The following IFRD1 variants were observed in gnomAD, a reference collection of about 807,000 sequenced individuals.
IFRD1 encodes the protein interferon related developmental regulator 1, also known as interferon-related developmental regulator 1.
In IFRD1, 35 loss-of-function variants were observed where a neutral mutation model predicts 52.9. The ratio of observed to expected loss-of-function variants is 0.66; its 90% CI spans 0.51 to 0.88. IFRD1 has a LOEUF of 0.88. Ranked by LOEUF, IFRD1 falls within the 40% of genes least tolerant of loss-of-function variation. The pLI, the probability that IFRD1 is intolerant of heterozygous loss-of-function variation, is 0.00. For synonymous variants in IFRD1, 184 were observed against 188.4 expected (o/e 0.98, Z 0.19); for missense variants, 517 against 550.8 (o/e 0.94, Z 0.61).
chr7:112,453,449 A>G lies in IFRD1; in HGVS notation c.95-2314A>G, dbSNP rs539492436. Among the ~76,000 whole-genome samples, 67 of 152,200 alleles carry G rather than the reference A, an allele frequency of 4.4e-4. 1 individual carries two copies. In the Middle Eastern group the frequency reaches 0.024, roughly 54 times the overall value. On this transcript the variant is annotated intron_variant, in intron 1 of 11. Transcript: ENST00000403825. ...CAGGGTTCTTTTTCTTGATACATAT[A>G]TATGTGTATTTTTTTTCTTTCCCTC...
At chr7:112,439,078 C>A (rs978681974) in intron 1 of IFRD1, among the ~76,000 whole-genome samples, 4 of 152,004 alleles carry the variant, frequency 2.6e-5, no homozygotes, top group African/African-American at 9.7e-5. Flanking sequence ...GGGTAAAGAA[C>A]AAGAGAGTGA....
At chr7:112,440,849 G>A (rs537023950) in intron 1 of IFRD1, among the ~76,000 whole-genome samples, 264 of 152,278 alleles carry the variant, frequency 1.7e-3, no homozygotes, top group African/African-American at 5.1e-3. Context: ...TATTTTAAAA[G>A]TTCAGGCTGG....
At chr7:112,434,021 C>T (rs1364245082) in intron 1 of IFRD1, among the ~76,000 whole-genome samples, 3 of 151,946 alleles carry the variant, frequency 2.0e-5, no homozygotes, top group Non-Finnish European at 4.4e-5. Context: ...AGGGTTTCGC[C>T]GTGTTGCCCA....
intron 1 of IFRD1, among the ~76,000 whole-genome samples, chr7:112,441,253 C>A (rs1307329435): frequency 6.6e-6 from 1 of 151,800 alleles, no homozygotes; most frequent in Non-Finnish European, 1.5e-5. Context: ...CCAGCCTGGG[C>A]AATAGAGTGA....
chr7:112,466,534 A>C (rs1795613515), intron 8 of IFRD1, among the ~76,000 whole-genome samples: 1 of 152,148 alleles, frequency 6.6e-6, no homozygotes, highest in African/African-American at 2.4e-5. Flanking sequence ...AGGTGCCGAT[A>C]GCACCCCCTT....
At chr7:112,457,408 C>A in intron 4 of IFRD1, 1 of 302,516 alleles carries the variant, frequency 3.3e-6, no homozygotes, top group East Asian at 6.0e-5. Flanking sequence ...TAAATTACAT[C>A]ATTTTCAGGA....
At chr7:112,473,720 C>T (rs984217917) in intron 11 of IFRD1, among the ~76,000 whole-genome samples, 14 of 152,112 alleles carry the variant, frequency 9.2e-5, no homozygotes, top group African/African-American at 3.4e-4. Flanking sequence ...CCACCATGAC[C>T]AGCCTGCATT....
At chr7:112,425,163 C>T (rs1794401561) in intron 1 of IFRD1, among the ~76,000 whole-genome samples, 1 of 152,192 alleles carries the variant, frequency 6.6e-6, no homozygotes, top group African/African-American at 2.4e-5. Flanking sequence ...GGCACCATGC[C>T]TAGCCAAATG....
intron 3 of IFRD1, 149 bp downstream of exon 3, chr7:112,456,235 C>T: frequency 1.4e-6 from 1 of 703,516 alleles, no homozygotes; most frequent in Non-Finnish European, 2.6e-6. Flanking sequence ...TATATTTTTC[C>T]TAAAGGTTAA....
At position 112,456,904 on chromosome 7, in the gene IFRD1, T is replaced by C; in HGVS notation, c.285-10T>C. 5.0e-6 allele frequency: 8 copies of C among 1,613,116 alleles called. No homozygotes were observed. Among genetic ancestry groups the C allele is most frequent in the Non-Finnish European group, 5.9e-6 (7 of 1,179,148 alleles). ...TGGATCTTCTTTCTCTTACATTGGG[T>C]GTTAAATAGTGCGAAGACAAGGCAA... On this transcript the variant is annotated splice_polypyrimidine_tract_variant and intron_variant, in intron 3 of 11. Transcript: ENST00000403825.
At chr7:112,443,195 C>G (rs530685835) in intron 1 of IFRD1, among the ~76,000 whole-genome samples, 25 of 152,088 alleles carry the variant, frequency 1.6e-4, no homozygotes, top group Non-Finnish European at 3.7e-4. Context: ...AGGCAGGAGT[C>G]TGAAGTAGGT....
At chr7:112,441,598 C>T (rs1254424142) in intron 1 of IFRD1, among the ~76,000 whole-genome samples, 2 of 152,136 alleles carry the variant, frequency 1.3e-5, no homozygotes, top group African/African-American at 2.4e-5. Flanking sequence ...TCATTCTCTC[C>T]TCTCTGCAAA....
At chr7:112,470,576 A>G (rs1795720921) in intron 9 of IFRD1, among the ~76,000 whole-genome samples, 1 of 152,216 alleles carries the variant, frequency 6.6e-6, no homozygotes, top group Non-Finnish European at 1.5e-5. Context: ...TCTAGATACT[A>G]GAGACAATTT....
intron 1 of IFRD1, chr7:112,435,770 G>A (rs1794670654): frequency 6.6e-6 from 1 of 151,696 alleles, no homozygotes; most frequent in Non-Finnish European, 1.5e-5. Context: ...TCAGGTTTTA[G>A]TTGGCTCTTA....
At chr7:112,426,507 T>C (rs1188673043) in intron 1 of IFRD1, among the ~76,000 whole-genome samples, 1 of 152,200 alleles carries the variant, frequency 6.6e-6, no homozygotes, top group Non-Finnish European at 1.5e-5. Flanking sequence ...AAATCCAAGA[T>C]TGAGGGGCCA....
At chr7:112,465,369 C>G (rs372050681) in intron 8 of IFRD1, among the ~76,000 whole-genome samples, 3 of 152,278 alleles carry the variant, frequency 2.0e-5, no homozygotes, top group African/African-American at 7.2e-5. Flanking sequence ...CCCTGTCTGC[C>G]TAAACTTTTC....
chr7:112,474,972 T>A (rs867770160), intron 11 of IFRD1, among the ~76,000 whole-genome samples: 22 of 152,210 alleles, frequency 1.4e-4, no homozygotes, highest in South Asian at 8.3e-4. Flanking sequence ...TTATTTATTT[T>A]TTTTGAGACG....
chr7:112,475,909 A>G lies in IFRD1; in HGVS notation c.*390A>G, dbSNP rs1234068322. On this transcript the variant is annotated 3_prime_UTR_variant, in exon 12 of 12. Transcript: ENST00000403825. ...TATCTTAGACAAGAGTTCTGGGTAC[A>G]ATTTTGGGATCTAGTTCCCCTGGAA... 4.8e-5 allele frequency: 8 copies of G among 166,666 alleles called. No individual in the cohort carries two copies. The highest frequency in any genetic ancestry group is 1.9e-4 in the African/African-American group (8 of 41,522). The allele number at this position is 166,666 out of a possible 1,614,324, so 10.3% of individuals were successfully genotyped here.
chr7:112,428,972 G>T (rs1794489281), intron 1 of IFRD1, among the ~76,000 whole-genome samples: 1 of 152,080 alleles, frequency 6.6e-6, no homozygotes, highest in African/African-American at 2.4e-5. Context: ...TTACTTTGGG[G>T]TGGCCCTTTA....
Sources: gnomAD v4.1 joint callset for allele counts (sites outside exome capture counted in the v4.1 genomes callset) on GRCh38, gnomAD v4.1.1 for gene constraint, MANE v1.5 for transcripts, NCBI Gene and HGNC (gene_info 2026-07-23, HGNC 2026-07-21) for gene names.